Variants in ADGRL3 observed in about 807,000 individuals in gnomAD.
ADGRL3 encodes the protein calcium-independent alpha-latrotoxin receptor 3.
ADGRL3 carries 62 observed loss-of-function variants against 153.5 expected under a neutral mutation model. That is an observed-to-expected ratio of 0.40 (90% confidence interval 0.33 to 0.50). The LOEUF (loss-of-function observed/expected upper bound fraction) is 0.50, where lower values mean the gene tolerates loss of function less well. Ranked by LOEUF, ADGRL3 falls within the 20% of genes least tolerant of loss-of-function variation. The pLI, the probability that ADGRL3 is intolerant of heterozygous loss-of-function variation, is 0.47. For missense variants in ADGRL3, 1,641 were observed against 1,859.4 expected (o/e 0.88, Z 2.16); for synonymous variants, 710 against 672.5 (o/e 1.06, Z -0.86).
Position 61,998,231 on chromosome 4 carries a change from C to T in ADGRL3, c.3361C>T (p.Leu1121=). The change falls in exon 21 of 27, where the codon CTG becomes TTG. Residue 1121 remains leucine (L), a synonymous_variant. Transcript: ENST00000683033. ...TAAAATGTTTCATCATACTGCTATA[C>T]TGAAACCTGAATCAGGCTGTCTTGA... The part of the protein sequence containing the change: ...LYKMFHHTAI[L]KPESGCLDNI... 1 of 1,586,464 alleles carries T rather than the reference C, an allele frequency of 6.3e-7. No homozygotes were observed. The highest frequency in any genetic ancestry group is 8.6e-7 in the Non-Finnish European group (1 of 1,167,530).
chr4:61,644,210 A>T (rs2093840615), intron 5 of ADGRL3, among the ~76,000 whole-genome samples: 1 of 147,002 alleles, frequency 6.8e-6, no homozygotes, highest in Non-Finnish European at 1.5e-5. Flanking sequence ...CTAGCGGTCT[A>T]TCAATTTTGT....
chr4:62,006,040 T>A (rs2099157917), intron 21 of ADGRL3, among the ~76,000 whole-genome samples: 1 of 135,720 alleles, frequency 7.4e-6, no homozygotes, highest in East Asian at 2.1e-4. Context: ...ATATTTTTTT[T>A]TTTTTTTGAG....
chr4:61,733,572 T>C lies in ADGRL3; in HGVS notation c.1399+18T>C. On this transcript the variant is annotated intron_variant, in intron 8 of 26. Transcript: ENST00000683033. ...TAGATCAGGTAAGTTCAACCTTTTG[T>C]GGTACTCTTTGGGGAAATATTTACT... 2 of 1,493,394 alleles carry C rather than the reference T, an allele frequency of 1.3e-6. No individual in the cohort carries two copies. Among genetic ancestry groups the C allele is most frequent in the Non-Finnish European group, 1.8e-6 (2 of 1,083,324 alleles). The allele number at this position is 1,493,394 out of a possible 1,614,324, so 92.5% of individuals were successfully genotyped here.
intron 15 of ADGRL3, among the ~76,000 whole-genome samples, chr4:61,946,594 A>G (rs542169920): frequency 6.6e-6 from 1 of 152,270 alleles, no homozygotes; most frequent in South Asian, 2.1e-4. Flanking sequence ...GCCTTCTTCA[A>G]AGTACAAGGA....
At chr4:61,481,588 A>T (rs113196444) in intron 2 of ADGRL3, among the ~76,000 whole-genome samples, 2,216 of 152,156 alleles carry the variant, frequency 0.015, 58 homozygotes, top group African/African-American at 0.05. Flanking sequence ...TTAGGAAGGG[A>T]TTGGGATTTT....
chr4:61,778,294 T>C (rs1332072789), intron 8 of ADGRL3, among the ~76,000 whole-genome samples: 1 of 152,186 alleles, frequency 6.6e-6, no homozygotes, highest in Non-Finnish European at 1.5e-5. Flanking sequence ...ATGCTTCTGG[T>C]CCCACACATT....
intron 8 of ADGRL3, among the ~76,000 whole-genome samples, chr4:61,748,830 C>A (rs1425171411): frequency 6.6e-6 from 1 of 151,730 alleles, no homozygotes; most frequent in Non-Finnish European, 1.5e-5. Context: ...ACACCAAAAG[C>A]AATGGCAACA....
chr4:61,512,508 C>A (rs1378531657), intron 3 of ADGRL3, among the ~76,000 whole-genome samples: 1 of 151,810 alleles, frequency 6.6e-6, no homozygotes, highest in Non-Finnish European at 1.5e-5. Context: ...ATAAACAAAC[C>A]AAAGTAGCAT....
chr4:61,962,392 T>A (rs1027264786), intron 17 of ADGRL3, among the ~76,000 whole-genome samples: 3 of 152,140 alleles, frequency 2.0e-5, no homozygotes, highest in South Asian at 2.1e-4. Flanking sequence ...CCACAAAAAA[T>A]TTTCCCAGTT....
chr4:61,616,925 G>A (rs1421300787), intron 5 of ADGRL3, among the ~76,000 whole-genome samples: 1 of 151,970 alleles, frequency 6.6e-6, no homozygotes, highest in African/African-American at 2.4e-5. Flanking sequence ...AATTTGCTAG[G>A]ATTACAGGCA....
chr4:61,372,296 C>A (rs1425889129), intron 1 of ADGRL3, among the ~76,000 whole-genome samples: 24 of 151,568 alleles, frequency 1.6e-4, no homozygotes, highest in Non-Finnish European at 2.4e-4. Context: ...TTTGGAGGAG[C>A]AGAGGCGCTC....
At chr4:61,957,314 A>G (rs537510975) in intron 17 of ADGRL3, among the ~76,000 whole-genome samples, 7 of 152,178 alleles carry the variant, frequency 4.6e-5, no homozygotes, top group Admixed American at 1.3e-4. Flanking sequence ...ATGAGAGTCC[A>G]TTCACGATTT....
chr4:61,968,094 C>A (rs1192620721), intron 17 of ADGRL3, among the ~76,000 whole-genome samples: 1 of 152,172 alleles, frequency 6.6e-6, no homozygotes, highest in Non-Finnish European at 1.5e-5. Flanking sequence ...AAAGTTCCTA[C>A]TTATCAACAC....
At chr4:61,671,014 A>G (rs2094973244) in intron 5 of ADGRL3, among the ~76,000 whole-genome samples, 1 of 152,198 alleles carries the variant, frequency 6.6e-6, no homozygotes, top group East Asian at 1.9e-4. Context: ...TGCTAGCTAC[A>G]TAACAGGGGT....
chr4:61,291,864 G>A (rs541848587), intron 1 of ADGRL3, among the ~76,000 whole-genome samples: 1 of 144,582 alleles, frequency 6.9e-6, no homozygotes, highest in Admixed American at 7.2e-5. Context: ...TTTTGTTTCT[G>A]TTACATCTAG....
chr4:61,800,841 T>C (rs1034644516), intron 8 of ADGRL3, among the ~76,000 whole-genome samples: 1 of 152,194 alleles, frequency 6.6e-6, no homozygotes, highest in Non-Finnish European at 1.5e-5. Context: ...GTCAGGATGA[T>C]GTGATGACAG....
At chr4:61,288,307 A>G (rs1018159397) in intron 1 of ADGRL3, among the ~76,000 whole-genome samples, 1 of 151,912 alleles carries the variant, frequency 6.6e-6, no homozygotes, top group Admixed American at 6.6e-5. Flanking sequence ...CATTAACTAA[A>G]AGGATGCTTG....
chr4:61,333,973 TG>T (rs1200005269), intron 1 of ADGRL3, among the ~76,000 whole-genome samples: 1 of 150,808 alleles, frequency 6.6e-6, no homozygotes, highest in Non-Finnish European at 1.5e-5. Context: ...TGAAATGCAA[TG>T]GTGTGATCTT....
At chr4:61,267,196 A>G (rs2092901307) in intron 1 of ADGRL3, among the ~76,000 whole-genome samples, 1 of 151,782 alleles carries the variant, frequency 6.6e-6, no homozygotes, top group Non-Finnish European at 1.5e-5. Context: ...TAAAAACAAA[A>G]TAAATGTCGA....
Sources: allele counts gnomAD v4.1 joint callset (sites outside exome capture counted in the v4.1 genomes callset), GRCh38; gene constraint gnomAD v4.1.1; transcripts MANE v1.5; gene names NCBI Gene and HGNC (gene_info 2026-07-23, HGNC 2026-07-21).